Variants in TPD52 observed in about 807,000 individuals in gnomAD.
TPD52 encodes the protein prostate and colon associated protein.
In TPD52, 17 loss-of-function variants were observed where a neutral mutation model predicts 31.3. The ratio of observed to expected loss-of-function variants is 0.54; its 90% CI spans 0.37 to 0.82. The LOEUF (loss-of-function observed/expected upper bound fraction) is 0.82. Ranked by LOEUF, TPD52 falls within the 40% of genes least tolerant of loss-of-function variation. TPD52 has a pLI of 0.00. For missense variants in TPD52, 212 were observed against 240.1 expected, an observed-to-expected ratio of 0.88 and a Z score of 0.77; for synonymous variants, 83 against 89.6, an observed-to-expected ratio of 0.93 and a Z score of 0.42.
chr8:80,044,025 G>T, intron 6 of TPD52, 142 bp downstream of exon 6: 2 of 648,346 alleles, frequency 3.1e-6, no homozygotes, highest in Non-Finnish European at 5.2e-6. Context: ...AGGAAGTGTA[G>T]CTGAAAACTG....
intron 1 of TPD52, among the ~76,000 whole-genome samples, chr8:80,123,447 C>T (rs934977344): frequency 6.6e-6 from 1 of 152,172 alleles, no homozygotes; most frequent in African/African-American, 2.4e-5. Flanking sequence ...TATATTCCAG[C>T]CGGGCACAAC....
chr8:80,121,931 T>C (rs1808286151), intron 1 of TPD52, among the ~76,000 whole-genome samples: 2 of 147,804 alleles, frequency 1.4e-5, no homozygotes, highest in Non-Finnish European at 3.0e-5. Context: ...AAATTATAAT[T>C]ATGTAATTAA....
intron 1 of TPD52, among the ~76,000 whole-genome samples, chr8:80,097,650 C>A (rs746220191): frequency 2.6e-5 from 4 of 152,190 alleles, no homozygotes; most frequent in Non-Finnish European, 4.4e-5. Context: ...TGAGGCCTCC[C>A]CAGCCATACT....
intron 2 of TPD52, among the ~76,000 whole-genome samples, chr8:80,056,646 C>T (rs1331230059): frequency 1.3e-5 from 2 of 151,976 alleles, no homozygotes; most frequent in African/African-American, 2.4e-5. Flanking sequence ...AAATCAAAAC[C>T]ACAAGGAGAT....
chr8:80,054,669 G>A (rs1406710436), intron 2 of TPD52, among the ~76,000 whole-genome samples: 1 of 151,276 alleles, frequency 6.6e-6, no homozygotes. Context: ...AGATGTTTAA[G>A]TCTTTAGAGA....
At chr8:80,031,595 C>T (rs1460400029), downstream of TPD52, among the ~76,000 whole-genome samples, 1 of 152,156 alleles carries the variant, frequency 6.6e-6, no homozygotes, top group Non-Finnish European at 1.5e-5. Flanking sequence ...GGGTGGCTTA[C>T]ACTTGTAATC....
At chr8:80,146,551 C>T (rs532624264) in intron 1 of TPD52, among the ~76,000 whole-genome samples, 66 of 152,276 alleles carry the variant, frequency 4.3e-4, no homozygotes, top group African/African-American at 1.6e-3. Context: ...GTCCCATTAT[C>T]TATTAAAACA....
intron 1 of TPD52, among the ~76,000 whole-genome samples, chr8:80,092,388 G>A (rs1586281622): frequency 3.3e-5 from 5 of 152,218 alleles, no homozygotes; most frequent in Admixed American, 2.6e-4. Context: ...ATTAAAAACA[G>A]AATTAACATA....
At chr8:80,127,937 TTTTG>T (rs1808745151) in intron 1 of TPD52, among the ~76,000 whole-genome samples, 1 of 152,000 alleles carries the variant, frequency 6.6e-6, no homozygotes, top group South Asian at 2.1e-4. Context: ...ATAGCAATGG[TTTTG>T]TTTTTCACTT....
Position 80,171,234 on chromosome 8 carries a change from C to T in TPD52, c.19+191G>A. 4.0e-6 allele frequency: 3 copies of T among 748,978 alleles called. No homozygotes were observed. The East Asian group carries it at 8.1e-5, about 20-fold the overall frequency. The allele number at this position is 748,978 out of a possible 1,614,324, so 46.4% of individuals were successfully genotyped here. Reference sequence around the variant, plus strand: ...TCACACATGCAGTCCCATCTGCCCCCGCCAGAGCCGCTCCTTCCAGGGCCC... The same window carrying T: ...TCACACATGCAGTCCCATCTGCCCCTGCCAGAGCCGCTCCTTCCAGGGCCC... On this transcript the variant is annotated intron_variant, in intron 1 of 7. Coordinates refer to ENST00000518937, the MANE Select transcript of TPD52 (RefSeq NM_001025253.3).
chr8:80,140,699 T>C (rs6473206), intron 1 of TPD52, among the ~76,000 whole-genome samples: 73,818 of 148,810 alleles, frequency 0.5, 18,217 homozygotes, highest in East Asian at 0.78. Context: ...ATGAATTGGT[T>C]GAAGGTGGTA....
intron 1 of TPD52, among the ~76,000 whole-genome samples, chr8:80,157,116 C>G (rs1445152333): frequency 3.3e-5 from 5 of 152,154 alleles, no homozygotes; most frequent in Admixed American, 3.3e-4. Flanking sequence ...GTTGCCTCAT[C>G]AGACTTCACT....
chr8:80,103,633 C>T (rs28430644), intron 1 of TPD52, among the ~76,000 whole-genome samples: 33,372 of 152,194 alleles, frequency 0.22, 6,276 homozygotes, highest in African/African-American at 0.52. Context: ...CTTGTGCTTA[C>T]TCCCTGCACA....
chr8:80,148,698 G>A (rs1181091677), intron 1 of TPD52, among the ~76,000 whole-genome samples: 1 of 152,122 alleles, frequency 6.6e-6, no homozygotes, highest in Non-Finnish European at 1.5e-5. Flanking sequence ...TCTGGGGTTT[G>A]GGGAACATCA....
intron 1 of TPD52, among the ~76,000 whole-genome samples, chr8:80,163,528 A>G (rs1027218020): frequency 2.0e-5 from 3 of 152,236 alleles, no homozygotes; most frequent in Non-Finnish European, 2.9e-5. Context: ...GAAAAATGAA[A>G]AAGTTTCAGA....
intron 1 of TPD52, among the ~76,000 whole-genome samples, chr8:80,087,777 G>C (rs542711351): frequency 1.2e-4 from 19 of 152,328 alleles, no homozygotes; most frequent in African/African-American, 4.3e-4. Flanking sequence ...AGGGAGACCA[G>C]TGGGGACCCT....
chr8:80,113,272 A>G (rs1436053733), intron 1 of TPD52, among the ~76,000 whole-genome samples: 1 of 131,272 alleles, frequency 7.6e-6, no homozygotes, highest in East Asian at 3.8e-4. Flanking sequence ...CAAAAAGAAA[A>G]AAAAAAAAAA....
chr8:80,131,122 C>T (rs1189062881), intron 1 of TPD52, among the ~76,000 whole-genome samples: 1 of 151,880 alleles, frequency 6.6e-6, no homozygotes, highest in East Asian at 1.9e-4. Flanking sequence ...AGGAAGGTGA[C>T]CTAAAGAGCC....
chr8:80,171,336 G>A, intron 1 of TPD52, 89 bp downstream of exon 1: 3 of 1,547,262 alleles, frequency 1.9e-6, no homozygotes, highest in South Asian at 2.3e-5. Context: ...TCGAGCCGCC[G>A]GGCCGCGCTC....
Sources: allele counts gnomAD v4.1 joint callset (sites outside exome capture counted in the v4.1 genomes callset), GRCh38; gene constraint gnomAD v4.1.1; transcripts MANE v1.5; gene names NCBI Gene and HGNC (gene_info 2026-07-23, HGNC 2026-07-21).